The following ESR1 variants were observed in gnomAD, a reference collection of about 807,000 sequenced individuals.
ESR1 encodes the protein estrogen receptor 1.
ESR1 carries 12 observed loss-of-function variants against 52.7 expected under a neutral mutation model. That is an observed-to-expected ratio of 0.23 (90% CI 0.15 to 0.37). ESR1 has a LOEUF of 0.37. ESR1 is among the 10% of genes least tolerant of loss of function. The pLI is 1.00. For missense variants in ESR1, 584 were observed against 779.7 expected (o/e 0.75, Z 2.99); for synonymous variants, 305 against 316.8 (o/e 0.96, Z 0.39).
intron 3 of ESR1, among the ~76,000 whole-genome samples, chr6:151,908,804 C>T (rs1797830644): frequency 6.6e-6 from 1 of 151,420 alleles, no homozygotes; most frequent in African/African-American, 2.4e-5. Context: ...AACTTGTGCC[C>T]TATCCTTTTA....
chr6:151,790,233 C>T (rs957656672), intron 2 of ESR1, among the ~76,000 whole-genome samples: 4 of 152,224 alleles, frequency 2.6e-5, no homozygotes, highest in African/African-American at 9.6e-5. Flanking sequence ...ATGTGGCCCA[C>T]ATGAGCTCCA....
chr6:151,873,509 A>C (rs1043003613), intron 2 of ESR1, among the ~76,000 whole-genome samples: 1 of 152,202 alleles, frequency 6.6e-6, no homozygotes, highest in African/African-American at 2.4e-5. Context: ...CCAGAGCAGG[A>C]ACGGCTCTTG....
chr6:151,844,234 C>A (rs1199822188), intron 2 of ESR1, among the ~76,000 whole-genome samples: 1 of 151,848 alleles, frequency 6.6e-6, no homozygotes, highest in Non-Finnish European at 1.5e-5. Flanking sequence ...AAAAAAATGA[C>A]ATTTATATTT....
chr6:151,709,958 T>C (rs1254439997), intron 2 of ESR1, among the ~76,000 whole-genome samples: 1 of 151,670 alleles, frequency 6.6e-6, no homozygotes, highest in East Asian at 1.9e-4. Flanking sequence ...TTTTATTTTA[T>C]TATTTTTAAT....
chr6:151,869,340 C>T (rs1016442360), intron 2 of ESR1, among the ~76,000 whole-genome samples: 1 of 152,108 alleles, frequency 6.6e-6, no homozygotes, highest in Non-Finnish European at 1.5e-5. Flanking sequence ...TCACACCAGT[C>T]GTCACAATTC....
At position 151,903,700 on chromosome 6, in the gene ESR1, G is replaced by A. The variant is rs78192006; in HGVS notation, c.760+22929G>A. ...CTCACAGGGAAGAGCACCCCTGCCG[G>A]TGAGCCCCTGGCCCTTGGATTATGC... On this transcript the variant is annotated intron_variant, in intron 3 of 7. Coordinates refer to ENST00000206249, the MANE Select transcript of ESR1 (RefSeq NM_000125.4). 3.3e-4 allele frequency among the ~76,000 whole-genome samples: 51 copies of A among 152,264 alleles called. No homozygotes were observed. The East Asian group carries it at 7.5e-3, about 22-fold the overall frequency.
intron 5 of ESR1, among the ~76,000 whole-genome samples, chr6:152,044,171 G>A (rs1396858011): frequency 6.6e-6 from 1 of 152,144 alleles, no homozygotes; most frequent in Non-Finnish European, 1.5e-5. Context: ...TGCCTCTCAT[G>A]AGCAGTGAAT....
At chr6:151,914,690 G>C (rs1002347339) in intron 3 of ESR1, among the ~76,000 whole-genome samples, 2 of 152,138 alleles carry the variant, frequency 1.3e-5, no homozygotes, top group Non-Finnish European at 2.9e-5. Context: ...TTTGGGTTGA[G>C]TCATTGTTAC....
chr6:152,028,067 C>A (rs1277158873), intron 5 of ESR1, among the ~76,000 whole-genome samples: 2 of 152,172 alleles, frequency 1.3e-5, no homozygotes, highest in Non-Finnish European at 1.5e-5. Context: ...TGGCCTGAAT[C>A]CGGGAGGCAG....
At chr6:151,730,713 C>A (rs1344096414) in intron 2 of ESR1, among the ~76,000 whole-genome samples, 2 of 152,160 alleles carry the variant, frequency 1.3e-5, no homozygotes, top group African/African-American at 2.4e-5. Context: ...GTCTTGACAT[C>A]ACTAGGAACT....
rs1022949624 is a variant in ESR1, at chr6:152,053,003, C to T, written c.1236-7988C>T. 6.6e-6 allele frequency among the ~76,000 whole-genome samples: 1 copy of T among 152,162 alleles called. No homozygotes were observed. The highest frequency in any genetic ancestry group is 6.5e-5 in the Admixed American group (1 of 15,282). On this transcript the variant is annotated intron_variant, in intron 5 of 7. Coordinates refer to ENST00000206249, the MANE Select transcript of ESR1 (RefSeq NM_000125.4). This position sits in a 1 kb window ranked among gnomAD's most constrained non-coding sequence, Gnocchi z 4.1. Reference sequence around the variant, plus strand: ...CTTCTGAGGTCCTGGAGGCTCCAGGCTCAGGCTACCTTCCCATATTCTCTG... The same window carrying T: ...CTTCTGAGGTCCTGGAGGCTCCAGGTTCAGGCTACCTTCCCATATTCTCTG...
At chr6:151,657,353 AT>A (rs1257454722) in intron 1 of ESR1, among the ~76,000 whole-genome samples, 1 of 152,200 alleles carries the variant, frequency 6.6e-6, no homozygotes, top group Non-Finnish European at 1.5e-5. Flanking sequence ...GTCATTGTAA[AT>A]TACATTACAT....
At position 151,848,304 on chromosome 6, in the gene ESR1, A is replaced by T. The variant is rs1467813897; in HGVS notation, c.643+5517A>T. ...GAGATCACTTGGACACAGGAAGGGG[A>T]ATATCACACTCTGGGGACTGTGGTG... On this transcript the variant is annotated intron_variant, in intron 2 of 7. Transcript: ENST00000206249. 3.7e-5 allele frequency among the ~76,000 whole-genome samples: 4 copies of T among 107,326 alleles called. No homozygotes were observed. The East Asian group carries it at 1.1e-3, about 30-fold the overall frequency. The allele number at this position is 107,326 out of a possible 152,430, so 70.4% of individuals were successfully genotyped here.
chr6:151,968,117 C>T (rs1007567654), intron 4 of ESR1, among the ~76,000 whole-genome samples: 3 of 152,058 alleles, frequency 2.0e-5, no homozygotes, highest in African/African-American at 7.2e-5. Context: ...AATAACACCA[C>T]ACACCTACAA....
At chr6:151,946,423 A>C (rs1353460487) in intron 4 of ESR1, among the ~76,000 whole-genome samples, 1 of 152,238 alleles carries the variant, frequency 6.6e-6, no homozygotes, top group Non-Finnish European at 1.5e-5. Flanking sequence ...CAGTGGTTGA[A>C]GAATTCACAT....
intron 1 of ESR1, among the ~76,000 whole-genome samples, chr6:151,660,701 A>G (rs1777608678): frequency 6.6e-6 from 1 of 152,168 alleles, no homozygotes; most frequent in African/African-American, 2.4e-5. Flanking sequence ...AAGCATACGT[A>G]TATGTTATGT....
In ESR1 at chr6:151,808,860, G is replaced by A. The variant is rs190339629; in HGVS notation, c.452+496G>A. On this transcript the variant is annotated intron_variant, in intron 1 of 7. Coordinates refer to ENST00000206249, the MANE Select transcript of ESR1 (RefSeq NM_000125.4). Reference sequence around the variant, plus strand: ...TGCTCCCCAAATTTCCTTTCATCTAGACTATTTGATTGGAAATATGTCAGC... The same window carrying A: ...TGCTCCCCAAATTTCCTTTCATCTAAACTATTTGATTGGAAATATGTCAGC... 1.3e-3 allele frequency among the ~76,000 whole-genome samples: 194 copies of A among 152,172 alleles called. 2 individuals are homozygous for A. The highest frequency in any genetic ancestry group is 5.7e-4 in the Non-Finnish European group (39 of 68,006).
intron 6 of ESR1, among the ~76,000 whole-genome samples, chr6:152,064,089 C>T (rs1447611477): frequency 2.0e-5 from 3 of 152,194 alleles, no homozygotes; most frequent in Non-Finnish European, 2.9e-5. Flanking sequence ...ACTTTGCTTG[C>T]AAAAACCCGG....
At chr6:152,122,187 T>C (rs1051264379) in intron 6 of ESR1, 1 of 566,210 alleles carries the variant, frequency 1.8e-6, no homozygotes, top group Non-Finnish European at 3.1e-6. Flanking sequence ...CTCAATCTCC[T>C]TAGTGCTAAG....
Sources: gnomAD v4.1 joint callset for allele counts (sites outside exome capture counted in the v4.1 genomes callset) on GRCh38, gnomAD v4.1.1 for gene constraint, Gnocchi (gnomAD v3.1) non-coding constraint, MANE v1.5 for transcripts, NCBI Gene and HGNC (gene_info 2026-07-23, HGNC 2026-07-21) for gene names.